The following STXBP4 variants were observed in gnomAD, a reference collection of about 807,000 sequenced individuals.
The protein encoded by STXBP4 is syntaxin-binding protein 4.
A neutral mutation model predicts 76.1 loss-of-function variants in STXBP4; 55 were observed. The ratio of observed to expected loss-of-function variants is 0.72; its 90% CI spans 0.58 to 0.91. The LOEUF (loss-of-function observed/expected upper bound fraction) is 0.91, where lower values mean the gene tolerates loss of function less well. Ranked by LOEUF, STXBP4 falls within the 40% of genes least tolerant of loss-of-function variation. The pLI is 0.00. For synonymous variants in STXBP4, 201 were observed against 220.2 expected, an observed-to-expected ratio of 0.91 and a Z score of 0.77; for missense variants, 618 against 636.9, an observed-to-expected ratio of 0.97 and a Z score of 0.32.
the STXBP4 span, among the ~76,000 whole-genome samples, chr17:55,189,045 C>A: frequency 6.6e-6 from 1 of 152,148 alleles, no homozygotes; most frequent in African/African-American, 2.4e-5. Context: ...GTCCCTCAAG[C>A]AGATGTGGGC....
chr17:55,157,333 C>T (rs1314837479), intron 17 of STXBP4, among the ~76,000 whole-genome samples: 1 of 152,196 alleles, frequency 6.6e-6, no homozygotes, highest in Non-Finnish European at 1.5e-5. Context: ...CTTGCAGTGG[C>T]ATTCCAGCCC....
At chr17:55,011,755 G>A (rs2078118533) in intron 8 of STXBP4, among the ~76,000 whole-genome samples, 1 of 152,068 alleles carries the variant, frequency 6.6e-6, no homozygotes, top group African/African-American at 2.4e-5. Flanking sequence ...TGCAAGCCCT[G>A]TGTTTAAAAG....
chr17:55,085,095 A>G (rs987826688), intron 16 of STXBP4, among the ~76,000 whole-genome samples: 8 of 152,128 alleles, frequency 5.3e-5, no homozygotes, highest in African/African-American at 1.7e-4. Flanking sequence ...ATTCTCAGTA[A>G]ACTATCACAA....
Position 55,173,332 on chromosome 17 carries a change from C to G in STXBP4, c.*13421C>G, listed in dbSNP as rs972045963. ...TCCTGCTATGCTTTTATAACACACCCTTCCCCACCCCAACTCCTGGCAATT... is the reference window on the plus strand; with the variant it reads ...TCCTGCTATGCTTTTATAACACACCGTTCCCCACCCCAACTCCTGGCAATT... On this transcript the variant is annotated 3_prime_UTR_variant, in exon 18 of 18. Transcript: ENST00000376352. 6.6e-6 allele frequency: 1 copy of G among 152,174 alleles called. No homozygotes were observed. Among genetic ancestry groups the G allele is most frequent in the Non-Finnish European group, 1.5e-5 (1 of 68,018 alleles). The allele number at this position is 152,174 out of a possible 1,614,324, so 9.4% of individuals were successfully genotyped here. A position where few individuals can be genotyped will look rare whatever the true frequency, so the allele number is the denominator to read the frequency against.
At chr17:55,082,460 G>T (rs1394803484) in intron 16 of STXBP4, among the ~76,000 whole-genome samples, 1 of 151,992 alleles carries the variant, frequency 6.6e-6, no homozygotes, top group Non-Finnish European at 1.5e-5. Flanking sequence ...ATGGAATTTT[G>T]TTCCAGATTT....
At chr17:55,038,434 C>T (rs2078641715) in intron 10 of STXBP4, among the ~76,000 whole-genome samples, 1 of 152,106 alleles carries the variant, frequency 6.6e-6, no homozygotes, top group Non-Finnish European at 1.5e-5. Context: ...TGCTTTTCCT[C>T]ATTATTTTGT....
chr17:55,150,912 G>A (rs1453589944), intron 17 of STXBP4, among the ~76,000 whole-genome samples: 8 of 152,158 alleles, frequency 5.3e-5, no homozygotes, highest in Non-Finnish European at 1.2e-4. Context: ...AGCTAATTCT[G>A]GATTATCCAA....
At chr17:54,993,154 T>C (rs2077745436) in intron 4 of STXBP4, among the ~76,000 whole-genome samples, 1 of 152,230 alleles carries the variant, frequency 6.6e-6, no homozygotes, top group African/African-American at 2.4e-5. Flanking sequence ...AAGAAATTAT[T>C]CTTATGATAT....
chr17:54,970,880 T>C (rs909411901), intron 1 of STXBP4, among the ~76,000 whole-genome samples: 1 of 152,262 alleles, frequency 6.6e-6, no homozygotes, highest in Admixed American at 6.5e-5. Context: ...TTGGTCTTTG[T>C]AGCTTTCTAC....
intron 16 of STXBP4, among the ~76,000 whole-genome samples, chr17:55,136,478 T>C (rs2080029679): frequency 6.6e-6 from 1 of 152,134 alleles, no homozygotes; most frequent in Non-Finnish European, 1.5e-5. Flanking sequence ...CCTAACCACT[T>C]CCTAATTATT....
chr17:55,141,743 T>G (rs1428117307), intron 17 of STXBP4, among the ~76,000 whole-genome samples: 1 of 152,212 alleles, frequency 6.6e-6, no homozygotes, highest in Non-Finnish European at 1.5e-5. Flanking sequence ...TATCAACATT[T>G]TTTAATGCTT....
At chr17:55,178,942 A>C in the STXBP4 span, among the ~76,000 whole-genome samples, 1 of 152,202 alleles carries the variant, frequency 6.6e-6, no homozygotes, top group Non-Finnish European at 1.5e-5. Context: ...ATACCCTCAC[A>C]GACACACCCA....
rs377724555 is a variant in STXBP4 at position 55,165,946 on chromosome 17, A to G, written c.*6035A>G. 5 of 152,322 alleles carry G rather than the reference A, an allele frequency of 3.3e-5. No individual in the cohort carries two copies. The East Asian group carries it at 9.6e-4, about 29-fold the overall frequency. The allele number at this position is 152,322 out of a possible 1,614,324, so 9.4% of individuals were successfully genotyped here. On this transcript the variant is annotated 3_prime_UTR_variant, in exon 18 of 18. Coordinates refer to ENST00000376352, the MANE Select transcript of STXBP4 (RefSeq NM_178509.6). ...CTCCAGAGCTGTGAACAATACATTT[A>G]TATTGTTTATAAATTACCCAGTCTG...
chr17:55,086,127 A>G (rs966559334), intron 16 of STXBP4, among the ~76,000 whole-genome samples: 3 of 152,166 alleles, frequency 2.0e-5, no homozygotes, highest in African/African-American at 7.2e-5. Context: ...TATATTCGAA[A>G]TTCTGCAGAA....
intron 16 of STXBP4, among the ~76,000 whole-genome samples, chr17:55,103,314 G>A (rs1224571960): frequency 6.6e-6 from 1 of 152,138 alleles, no homozygotes; most frequent in Non-Finnish European, 1.5e-5. Flanking sequence ...TGTATAAGGT[G>A]TAAGGAAGGG....
At chr17:55,210,134 A>G in the STXBP4 span, among the ~76,000 whole-genome samples, 1 of 152,242 alleles carries the variant, frequency 6.6e-6, no homozygotes, top group African/African-American at 2.4e-5. Flanking sequence ...TCTCCCAAGC[A>G]GGACCCCCTG....
chr17:55,210,050 G>A, the STXBP4 span, among the ~76,000 whole-genome samples: 20 of 152,288 alleles, frequency 1.3e-4, no homozygotes, highest in African/African-American at 4.3e-4. Context: ...TCATGTCTGC[G>A]TGTGCATATA....
At chr17:55,057,766 A>G (rs2078947147) in intron 12 of STXBP4, among the ~76,000 whole-genome samples, 1 of 152,074 alleles carries the variant, frequency 6.6e-6, no homozygotes, top group Non-Finnish European at 1.5e-5. Context: ...ATGTGTTCTC[A>G]TTGTTCAACT....
In STXBP4 at chr17:55,031,563, T is replaced by C. The variant is rs541369894; in HGVS notation, c.763+299T>C. On this transcript the variant is annotated intron_variant, in intron 9 of 17. Transcript: ENST00000376352. ...GCTTTAGTAATAACAAAAGAAACAGTACAAAATATGGAAGTTCTAATTTCA... is the reference window on the plus strand; with the variant it reads ...GCTTTAGTAATAACAAAAGAAACAGCACAAAATATGGAAGTTCTAATTTCA... Among the ~76,000 whole-genome samples the C allele has an allele frequency of 1.1e-4, 17 of 152,264 alleles. No individual in the cohort carries two copies. In the East Asian group the frequency reaches 3.1e-3, roughly 28 times the overall value.
Sources: gnomAD v4.1 joint callset for allele counts (sites outside exome capture counted in the v4.1 genomes callset) on GRCh38, gnomAD v4.1.1 for gene constraint, MANE v1.5 for transcripts, NCBI Gene and HGNC (gene_info 2026-07-23, HGNC 2026-07-21) for gene names.